Variants in TLK1 observed in about 807,000 individuals in gnomAD.
TLK1 encodes the protein serine/threonine-protein kinase tousled-like 1.
Under a neutral mutation model 105.3 loss-of-function variants are expected in TLK1, and 24 were observed. That is an observed-to-expected ratio of 0.23 (90% confidence interval 0.17 to 0.32). TLK1 has a LOEUF of 0.32. Ranked by LOEUF, TLK1 falls within the 10% of genes least tolerant of loss-of-function variation. The pLI is 1.00. For synonymous variants in TLK1, 321 were observed against 310.4 expected, an observed-to-expected ratio of 1.03 and a Z score of -0.36; for missense variants, 558 against 910.5, an observed-to-expected ratio of 0.61 and a Z score of 4.98.
At chr2:171,221,372 T>C (rs546679703) in intron 1 of TLK1, among the ~76,000 whole-genome samples, 2 of 152,300 alleles carry the variant, frequency 1.3e-5, no homozygotes, top group Admixed American at 6.5e-5. Context: ...ATAATCCTTA[T>C]GAATCAAACA....
intron 1 of TLK1, among the ~76,000 whole-genome samples, chr2:171,192,703 AAAG>A (rs1040132305): frequency 2.7e-5 from 4 of 149,606 alleles, no homozygotes; most frequent in African/African-American, 5.0e-5. Flanking sequence ...TAAAAAAAAT[AAAG>A]AAGAAGTATT....
intron 12 of TLK1, among the ~76,000 whole-genome samples, chr2:171,020,397 G>A (rs975805465): frequency 3.3e-5 from 5 of 151,712 alleles, no homozygotes; most frequent in Admixed American, 2.6e-4. Flanking sequence ...TAAATTAGCC[G>A]GGCATGGTGG....
chr2:171,108,024 T>C (rs560565576), intron 2 of TLK1, among the ~76,000 whole-genome samples: 1 of 147,778 alleles, frequency 6.8e-6, no homozygotes, highest in Non-Finnish European at 1.5e-5. Flanking sequence ...GTCACCGTAC[T>C]CCAGCCTGGG....
chr2:171,067,555 A>G (rs760512475), intron 3 of TLK1, among the ~76,000 whole-genome samples: 6 of 152,134 alleles, frequency 3.9e-5, no homozygotes, highest in Non-Finnish European at 5.9e-5. Context: ...ACTACTCACC[A>G]ATCCTTTGAG....
chr2:171,143,504 T>G (rs1288418103), intron 1 of TLK1, among the ~76,000 whole-genome samples: 1 of 58,568 alleles, frequency 1.7e-5, no homozygotes, highest in African/African-American at 8.5e-5. Flanking sequence ...GGACTCTATC[T>G]CCAAAAAAAA....
At chr2:171,083,944 A>G (rs965539455) in intron 2 of TLK1, among the ~76,000 whole-genome samples, 3 of 152,194 alleles carry the variant, frequency 2.0e-5, no homozygotes, top group African/African-American at 7.2e-5. Flanking sequence ...AGATTCTGGG[A>G]CAATAAGGGC....
chr2:171,000,605 T>C (rs1684317631), intron 18 of TLK1, among the ~76,000 whole-genome samples: 1 of 152,100 alleles, frequency 6.6e-6, no homozygotes, highest in Admixed American at 6.5e-5. Flanking sequence ...ATCCTTGTCA[T>C]CTTTAGGTTG....
At chr2:171,004,187 T>G (rs548030355) in intron 18 of TLK1, among the ~76,000 whole-genome samples, 1 of 152,138 alleles carries the variant, frequency 6.6e-6, no homozygotes, top group African/African-American at 2.4e-5. Context: ...GGTCTCGAAC[T>G]CCTGACCTCA....
intron 10 of TLK1, among the ~76,000 whole-genome samples, chr2:171,048,761 G>C (rs74537264): frequency 0.013 from 1,954 of 149,898 alleles, 35 homozygotes; most frequent in African/African-American, 0.042. Flanking sequence ...CTAGGAGGCA[G>C]TGTTTGAACA....
At chr2:171,112,744 T>G (rs1690236998) in intron 2 of TLK1, among the ~76,000 whole-genome samples, 3 of 151,836 alleles carry the variant, frequency 2.0e-5, no homozygotes, top group Admixed American at 2.0e-4. Context: ...AAGACCAAAC[T>G]ATAAAAATTA....
At chr2:171,046,088 G>A (rs1686949291) in intron 11 of TLK1, 86 bp downstream of exon 11, 1 of 1,203,644 alleles carries the variant, frequency 8.3e-7, no homozygotes, top group Middle Eastern at 3.1e-4. Flanking sequence ...TGCTATCTAA[G>A]TATTAATTAT....
chr2:171,218,615 C>A (rs1200139603), intron 1 of TLK1, among the ~76,000 whole-genome samples: 4 of 152,188 alleles, frequency 2.6e-5, no homozygotes, highest in Non-Finnish European at 5.9e-5. Context: ...AAGGTGCCAG[C>A]AGGTTTGATG....
At chr2:171,015,725 ACACACACCCACCC>A in intron 12 of TLK1, among the ~76,000 whole-genome samples, 1 of 14,600 alleles carries the variant, frequency 6.8e-5, no homozygotes, top group East Asian at 2.5e-3. Context: ...ACACACACAC[ACACACACCCACCC>A]CTTTTTTGTC....
intron 1 of TLK1, among the ~76,000 whole-genome samples, chr2:171,123,942 CAT>C (rs1249753507): frequency 6.6e-6 from 1 of 152,192 alleles, no homozygotes; most frequent in Non-Finnish European, 1.5e-5. Context: ...TTTAATTGAG[CAT>C]ATTCATTACT....
At chr2:171,224,479 T>C (rs1475304503) in intron 1 of TLK1, among the ~76,000 whole-genome samples, 1 of 152,322 alleles carries the variant, frequency 6.6e-6, no homozygotes, top group East Asian at 1.9e-4. Flanking sequence ...GGTATTTTGA[T>C]AGGGATTGCA....
chr2:171,213,486 A>G (rs941858605), intron 1 of TLK1, among the ~76,000 whole-genome samples: 4 of 151,748 alleles, frequency 2.6e-5, no homozygotes, highest in South Asian at 2.1e-4. Context: ...TACAGCTATG[A>G]GCCACCATGC....
intron 2 of TLK1, among the ~76,000 whole-genome samples, chr2:171,087,274 G>A (rs1689023566): frequency 1.3e-5 from 2 of 152,142 alleles, no homozygotes; most frequent in Admixed American, 6.5e-5. Context: ...TAGCTCAAAC[G>A]ACAAGATTGG....
At chr2:171,127,311 A>C (rs1412753579) in intron 1 of TLK1, among the ~76,000 whole-genome samples, 1 of 151,550 alleles carries the variant, frequency 6.6e-6, no homozygotes, top group Non-Finnish European at 1.5e-5. Context: ...AAAATTCAAG[A>C]AGTCTATATT....
intron 1 of TLK1, among the ~76,000 whole-genome samples, chr2:171,169,009 C>T (rs145740102): frequency 0.037 from 5,561 of 151,436 alleles, 334 homozygotes; most frequent in African/African-American, 0.13. Context: ...ACCTGGGAGG[C>T]AGAGGTTGCA....
Sources: gnomAD v4.1 joint callset for allele counts (sites outside exome capture counted in the v4.1 genomes callset) on GRCh38, gnomAD v4.1.1 for gene constraint, MANE v1.5 for transcripts, NCBI Gene and HGNC (gene_info 2026-07-23, HGNC 2026-07-21) for gene names.